CCDC88A: variants seen among roughly 807,000 people sequenced by gnomAD.
The protein encoded by CCDC88A is girdin.
A neutral mutation model predicts 234.3 loss-of-function variants in CCDC88A; 54 were observed. That is an observed-to-expected ratio of 0.23 (90% CI 0.19 to 0.29). The LOEUF (loss-of-function observed/expected upper bound fraction) is 0.29. Ranked by LOEUF, CCDC88A falls within the 10% of genes least tolerant of loss-of-function variation. The pLI is 1.00. For missense variants in CCDC88A, 1,832 were observed against 2,123.4 expected (o/e 0.86, Z 2.70); for synonymous variants, 753 against 737.8 (o/e 1.02, Z -0.33).
intron 28 of CCDC88A, 194 bp downstream of exon 28, chr2:55,301,012 T>C (rs931388072): frequency 1.3e-5 from 7 of 524,212 alleles, no homozygotes; most frequent in Non-Finnish European, 1.7e-5. Context: ...ACAGAGAACA[T>C]TTAGATGAAG....
intron 31 of CCDC88A, 158 bp from the exon 32 acceptor site, chr2:55,291,933 C>G (rs117301111): frequency 4.1e-6 from 2 of 483,614 alleles, no homozygotes; most frequent in East Asian, 6.7e-5. Flanking sequence ...ACTTAAAGAT[C>G]GATTTTTATA....
intron 13 of CCDC88A, 172 bp from the exon 14 acceptor site, chr2:55,336,990 C>T (rs1310610407): frequency 2.1e-6 from 1 of 473,324 alleles, no homozygotes; most frequent in African/African-American, 2.1e-5. Context: ...ATTTCTGTAG[C>T]TGTATAAAAT....
Position 55,355,735 on chromosome 2 carries a change from G to A in CCDC88A, c.644C>T (p.Ser215Phe), listed in dbSNP as rs1450514544. The stretch of plus-strand genomic sequence containing the variant: ...AAAATGGAGACCATCCCGCTCTTCA[G>A]AGAGTTCTATGATAGTCTAGAAATA... ...DEHSETIIEL[S>F]EERDGLHFLP... The change falls in exon 8 of 33, where the codon TCT becomes TTT. Residue 215 changes from serine (S) to phenylalanine (F), a missense_variant. Physicochemically the swap from Ser to Phe is radical, Grantham distance 155. Around this residue, in one of 6 missense-constraint regions of CCDC88A, gnomAD observed 1,282 missense variants for 1,543.6 expected, o/e 0.83. Coordinates refer to ENST00000436346, the MANE Select transcript of CCDC88A (RefSeq NM_001365480.1). 2 of 1,613,474 alleles carry A rather than the reference G, an allele frequency of 1.2e-6. No individual in the cohort carries two copies. Among genetic ancestry groups the A allele is most frequent in the Non-Finnish European group, 1.7e-6 (2 of 1,179,450 alleles).
At chr2:55,377,271 C>T (rs1174176623) in intron 3 of CCDC88A, among the ~76,000 whole-genome samples, 1 of 144,480 alleles carries the variant, frequency 6.9e-6, no homozygotes, top group Non-Finnish European at 1.5e-5. Context: ...AATCACAGCT[C>T]ATTGCAGCCT....
intron 2 of CCDC88A, among the ~76,000 whole-genome samples, chr2:55,400,479 A>C (rs545621189): frequency 6.6e-6 from 1 of 152,370 alleles, no homozygotes; most frequent in East Asian, 1.9e-4. Context: ...AGAGGGCCTC[A>C]AGCAATTTCA....
At chr2:55,315,905 G>A (rs1377343234) in intron 22 of CCDC88A, 23 bp downstream of exon 22, 6 of 1,390,090 alleles carry the variant, frequency 4.3e-6, no homozygotes, top group Non-Finnish European at 5.8e-6. Flanking sequence ...GAAGGACACA[G>A]TGATTAAACT....
intron 2 of CCDC88A, among the ~76,000 whole-genome samples, chr2:55,414,774 T>G (rs1401552501): frequency 6.6e-6 from 1 of 152,038 alleles, no homozygotes; most frequent in African/African-American, 2.4e-5. Context: ...ACTTATATAA[T>G]AAGGTTCCTG....
chr2:55,370,151 T>C (rs1574320087), intron 5 of CCDC88A, among the ~76,000 whole-genome samples: 1 of 152,174 alleles, frequency 6.6e-6, no homozygotes, highest in African/African-American at 2.4e-5. Flanking sequence ...TATGACTACA[T>C]GGACATAAAA....
At chr2:55,350,929 G>A (rs180738503) in intron 8 of CCDC88A, among the ~76,000 whole-genome samples, 16 of 152,244 alleles carry the variant, frequency 1.1e-4, no homozygotes, top group Admixed American at 2.0e-4. Flanking sequence ...TGGGATTACC[G>A]GCATGAGCCA....
intron 9 of CCDC88A, 30 bp from the exon 10 acceptor site, chr2:55,346,363 T>A: frequency 2.4e-6 from 3 of 1,231,624 alleles, no homozygotes; most frequent in Non-Finnish European, 3.4e-6. Context: ...TATATTTTAA[T>A]TATTTTCTGT....
intron 31 of CCDC88A, chr2:55,294,382 G>A (rs1389014058): frequency 1.0e-6 from 1 of 963,062 alleles, no homozygotes; most frequent in African/African-American, 1.8e-5. Context: ...AATTTGATGG[G>A]GTTTTCTAAG....
At chr2:55,355,807 A>T in intron 7 of CCDC88A, 56 bp from the exon 8 acceptor site, 1 of 1,356,770 alleles carries the variant, frequency 7.4e-7, no homozygotes, top group African/African-American at 1.4e-5. Flanking sequence ...AACTAAACAC[A>T]TCAACATGAT....
At chr2:55,303,003 G>T in intron 26 of CCDC88A, 66 bp downstream of exon 26, 1 of 1,009,352 alleles carries the variant, frequency 9.9e-7, no homozygotes, top group Non-Finnish European at 1.5e-6. Context: ...AGAAAGGTTA[G>T]TGAAAAATTA....
At chr2:55,308,693 A>T (rs2104595154) in intron 25 of CCDC88A, 116 bp downstream of exon 25, 2 of 722,830 alleles carry the variant, frequency 2.8e-6, no homozygotes, top group South Asian at 1.9e-5. Flanking sequence ...TTATGATGTT[A>T]AATTAAAAAG....
At chr2:55,316,621 G>C (rs1365677173) in intron 21 of CCDC88A, among the ~76,000 whole-genome samples, 2 of 152,130 alleles carry the variant, frequency 1.3e-5, no homozygotes, top group Non-Finnish European at 2.9e-5. Flanking sequence ...AGCAGTTCCA[G>C]CTACCTGAGG....
At chr2:55,348,276 ATT>A (rs70954104) in intron 9 of CCDC88A, among the ~76,000 whole-genome samples, 9,112 of 145,466 alleles carry the variant, frequency 0.063, 874 homozygotes, top group African/African-American at 0.2. Flanking sequence ...AAGTGACTTA[ATT>A]TTTTTTTTTT....
chr2:55,352,659 G>A (rs770181707), intron 8 of CCDC88A, among the ~76,000 whole-genome samples: 9 of 152,090 alleles, frequency 5.9e-5, no homozygotes, highest in Non-Finnish European at 1.2e-4. Context: ...CAGAGTTAAA[G>A]GGAGTCTTTG....
In CCDC88A at chr2:55,349,571, A is replaced by T. The variant is rs535427257; in HGVS notation, c.829T>A (p.Cys277Ser). The T allele has an allele frequency of 6.2e-6, 10 of 1,613,062 alleles. No homozygotes were observed. The South Asian group carries it at 9.9e-5, about 16-fold the overall frequency. The change falls in exon 9 of 33, where the codon TGT (cysteine) becomes AGT (serine). Residue 277 changes from cysteine (C) to serine (S), a missense_variant. Around this residue, in one of 6 missense-constraint regions of CCDC88A, gnomAD observed 1,282 missense variants for 1,543.6 expected, o/e 0.83. Coordinates refer to ENST00000436346, the MANE Select transcript of CCDC88A (RefSeq NM_001365480.1). ...LEEKTEQLLD[C>S]KQELEQMEIE... is the part of the protein sequence containing the mutation. ...TCCATTTGCTCAAGTTCTTGTTTAC[A>T]ATCCAACAACTGCTCAGTCTTTTCC... is the stretch of plus-strand genomic sequence containing the variant.
At position 55,419,110 on chromosome 2, in the gene CCDC88A, T is replaced by G. The variant is rs770299974; in HGVS notation, c.-31A>C. 1 of 1,378,862 alleles carries G rather than the reference T, an allele frequency of 7.3e-7. No homozygotes were observed. Among genetic ancestry groups the G allele is most frequent in the South Asian group, 1.2e-5 (1 of 84,642 alleles). The allele number at this position is 1,378,862 out of a possible 1,614,324, so 85.4% of individuals were successfully genotyped here. On this transcript the variant is annotated 5_prime_UTR_variant, in exon 1 of 33. Transcript: ENST00000436346. ...AGAGTATGTATTTGAAAAAAGGAAC[T>G]ACCACAAAAATACGCCTAGGGAATT...
Sources: gnomAD v4.1 joint callset for allele counts (sites outside exome capture counted in the v4.1 genomes callset) on GRCh38, gnomAD v4.1.1 for gene constraint, gnomAD v4.1.1 regional missense constraint, MANE v1.5 for transcripts, NCBI Gene and HGNC (gene_info 2026-07-23, HGNC 2026-07-21) for gene names.